Variants in HDAC9 observed in about 807,000 individuals in gnomAD.
HDAC9 encodes histone deacetylase 9, also known as MEF-2 interacting transcription repressor (MITR) protein.
A neutral mutation model predicts 139.4 loss-of-function variants in HDAC9; 41 were observed. That is an observed-to-expected ratio of 0.29 (90% CI 0.23 to 0.38). The LOEUF is 0.38. HDAC9 is among the 10% of genes least tolerant of loss of function. The pLI, the probability that HDAC9 is intolerant of heterozygous loss-of-function variation, is 1.00. For missense variants in HDAC9, 1,147 were observed against 1,297.0 expected, an observed-to-expected ratio of 0.88 and a Z score of 1.78; for synonymous variants, 517 against 476.2, an observed-to-expected ratio of 1.09 and a Z score of -1.12.
chr7:18,683,779 A>G (rs1782057452), intron 12 of HDAC9, among the ~76,000 whole-genome samples: 1 of 152,032 alleles, frequency 6.6e-6, no homozygotes, highest in African/African-American at 2.4e-5. Flanking sequence ...TTGTTAACAA[A>G]CTGGAGGCAT....
Position 18,338,437 on chromosome 7 carries a change from A to T in HDAC9, c.-42+47922A>T, listed in dbSNP as rs187372917. On this transcript the variant is annotated intron_variant, in intron 1 of 3. Coordinates refer to the HDAC9 transcript ENST00000413509. ...GGCTCAAGGTACGTAGCAGGTACTT[A>T]ATAAATATTTGGCAGTATTACTGAG... Among the ~76,000 whole-genome samples, 9 of 151,748 alleles carry T rather than the reference A, an allele frequency of 5.9e-5. No individual in the cohort carries two copies. In the East Asian group the frequency reaches 1.8e-3, roughly 30 times the overall value.
At chr7:18,500,861 A>G (rs1171233572) in intron 2 of HDAC9, among the ~76,000 whole-genome samples, 1 of 152,130 alleles carries the variant, frequency 6.6e-6, no homozygotes, top group African/African-American at 2.4e-5. Flanking sequence ...CTGAAAGGTG[A>G]GATGATAAAC....
intron 6 of HDAC9, among the ~76,000 whole-genome samples, chr7:18,612,134 G>A (rs535662837): frequency 3.3e-5 from 5 of 151,984 alleles, no homozygotes; most frequent in African/African-American, 4.8e-5. Context: ...TATTTCTTAA[G>A]GGAAATAGAT....
chr7:18,456,573 C>G (rs893185064), intron 1 of HDAC9, among the ~76,000 whole-genome samples: 1 of 152,084 alleles, frequency 6.6e-6, no homozygotes, highest in African/African-American at 2.4e-5. Flanking sequence ...TCACCACTTT[C>G]ATTCATATGA....
intron 11 of HDAC9, among the ~76,000 whole-genome samples, chr7:18,663,253 A>G (rs1177391030): frequency 1.3e-5 from 2 of 152,086 alleles, no homozygotes; most frequent in Non-Finnish European, 2.9e-5. Context: ...GAATGAGGTC[A>G]AGTGGAGGAC....
At chr7:18,696,672 G>A (rs865803664) in intron 12 of HDAC9, among the ~76,000 whole-genome samples, 2 of 152,052 alleles carry the variant, frequency 1.3e-5, no homozygotes, top group South Asian at 2.1e-4. Flanking sequence ...GTTTCACAAT[G>A]TTGGCCAGGA....
intron 1 of HDAC9, among the ~76,000 whole-genome samples, chr7:18,148,248 C>T (rs919850465): frequency 2.6e-5 from 4 of 152,096 alleles, no homozygotes; most frequent in South Asian, 2.1e-4. Flanking sequence ...TCACGGTATC[C>T]GCAGGGCTGT....
At chr7:18,859,856 A>ATATATATATG (rs1554381815) in intron 21 of HDAC9, among the ~76,000 whole-genome samples, 7 of 117,258 alleles carry the variant, frequency 6.0e-5, no homozygotes, top group African/African-American at 9.8e-5. Context: ...ATATATATAT[A>ATATATATATG]TATGTGAGAG....
rs183922942 is a variant in HDAC9, at chr7:18,130,660, C to A, written c.-96-31569C>A. Among the ~76,000 whole-genome samples the A allele has an allele frequency of 1.2e-4, 18 of 152,214 alleles. No homozygotes were observed. In the East Asian group the frequency reaches 2.5e-3, roughly 21 times the overall value. On this transcript the variant is annotated intron_variant, in intron 1 of 12. Coordinates refer to the HDAC9 transcript ENST00000417496. ...CTCTTTAGCTGTCACCCCTAAATCC[C>A]TCCATTCCCGATGCCCTAGGAAACC...
chr7:18,460,788 C>CAAAAAA (rs750144894), intron 1 of HDAC9, among the ~76,000 whole-genome samples: 1 of 45,308 alleles, frequency 2.2e-5, no homozygotes, highest in Non-Finnish European at 4.8e-5. Context: ...AACTCTGTCT[C>CAAAAAA]AAAAAAAAAA....
At chr7:18,552,335 G>A (rs1817427014) in intron 2 of HDAC9, among the ~76,000 whole-genome samples, 1 of 151,428 alleles carries the variant, frequency 6.6e-6, no homozygotes, top group Admixed American at 6.6e-5. Flanking sequence ...GCATTTTTTT[G>A]GTGTGTATTT....
chr7:18,612,562 A>G (rs1025265132), intron 6 of HDAC9, among the ~76,000 whole-genome samples: 2 of 152,116 alleles, frequency 1.3e-5, no homozygotes, highest in African/African-American at 4.8e-5. Context: ...TTGGAAAAGA[A>G]GATGAGTAGA....
At chr7:18,256,865 A>T (rs1007999223) in intron 2 of HDAC9, among the ~76,000 whole-genome samples, 2 of 151,922 alleles carry the variant, frequency 1.3e-5, no homozygotes, top group Admixed American at 6.6e-5. Context: ...AGGTAGGGGG[A>T]TTGCTTGAGC....
chr7:18,415,629 TTTTG>T (rs943688282), intron 1 of HDAC9, among the ~76,000 whole-genome samples: 86 of 152,360 alleles, frequency 5.6e-4, no homozygotes, highest in African/African-American at 2.0e-3. Flanking sequence ...TTTTGCTGGT[TTTTG>T]TTTTTTAAAA....
intron 14 of HDAC9, among the ~76,000 whole-genome samples, chr7:18,756,909 A>T (rs1174703838): frequency 2.6e-5 from 4 of 151,888 alleles, no homozygotes; most frequent in Non-Finnish European, 5.9e-5. Context: ...AACTCTGAGA[A>T]GTACAGGTTA....
chr7:18,943,490 G>A (rs1283854575), intron 23 of HDAC9, among the ~76,000 whole-genome samples: 1 of 151,978 alleles, frequency 6.6e-6, no homozygotes, highest in Non-Finnish European at 1.5e-5. Context: ...TATATCATGT[G>A]CAAACTGTCC....
At chr7:18,335,075 G>A (rs189302322) in intron 1 of HDAC9, among the ~76,000 whole-genome samples, 270 of 151,614 alleles carry the variant, frequency 1.8e-3, no homozygotes, top group African/African-American at 6.3e-3. Context: ...AATATGGGAA[G>A]CTGGGAGTGA....
At chr7:18,770,804 G>A (rs1790225264) in intron 16 of HDAC9, among the ~76,000 whole-genome samples, 1 of 152,144 alleles carries the variant, frequency 6.6e-6, no homozygotes, top group South Asian at 2.1e-4. Context: ...AGGGGCTTAT[G>A]GCATTTGTTT....
intron 1 of HDAC9, among the ~76,000 whole-genome samples, chr7:18,407,809 A>G (rs1300537966): frequency 6.6e-6 from 1 of 152,214 alleles, no homozygotes; most frequent in African/African-American, 2.4e-5. Flanking sequence ...GTTAAAGGAA[A>G]TCTATTGTGT....
Sources: gnomAD v4.1 joint callset for allele counts (sites outside exome capture counted in the v4.1 genomes callset) on GRCh38, gnomAD v4.1.1 for gene constraint, MANE v1.5 for transcripts, NCBI Gene and HGNC (gene_info 2026-07-23, HGNC 2026-07-21) for gene names.